DNAH12: variants seen among roughly 807,000 people sequenced by gnomAD.
DNAH12 encodes the protein axonemal beta dynein heavy chain 12.
In DNAH12, 285 loss-of-function variants were observed where a neutral mutation model predicts 371.5. That is an observed-to-expected ratio of 0.77 (90% CI 0.70 to 0.85). DNAH12 has a LOEUF of 0.85. Ranked by LOEUF, DNAH12 falls within the 40% of genes least tolerant of loss-of-function variation. The pLI is 0.00. For synonymous variants in DNAH12, 1,200 were observed against 1,213.0 expected (o/e 0.99, Z 0.22); for missense variants, 3,611 against 3,689.4 (o/e 0.98, Z 0.55).
intron 65 of DNAH12, among the ~76,000 whole-genome samples, chr3:57,314,928 A>G: frequency 6.6e-6 from 1 of 152,212 alleles, no homozygotes; most frequent in South Asian, 2.1e-4. Flanking sequence ...TTACTCGCAG[A>G]GATTTACAAC....
rs2063635278 is a variant in DNAH12 at position 57,392,038 on chromosome 3, T to C, written c.7139A>G (p.Asn2380Ser). 6.6e-6 allele frequency: 1 copy of C among 152,196 alleles called. No individual in the cohort carries two copies. The highest frequency in any genetic ancestry group is 2.4e-5 in the African/African-American group (1 of 41,446). The allele number at this position is 152,196 out of a possible 1,614,324, so 9.4% of individuals were successfully genotyped here. ...TAAGGGACTGAGTTCATCATGTTTA[T>C]TGCCAGCCTGAGCTACTGGGCGAAC... ...EGVRPVAQAG[N>S]KHDELSPLAL... Residue 2380 changes from asparagine (N) to serine (S), a missense_variant, in exon 45 of 74, where the codon AAT (asparagine) becomes AGT (serine). This residue lies in a region of DNAH12 where 2,266 missense variants were observed against 2,236.9 expected (regional missense o/e 1.01). Transcript: ENST00000495027.
intron 25 of DNAH12, among the ~76,000 whole-genome samples, chr3:57,447,663 T>C (rs887394790): frequency 7.3e-6 from 1 of 136,452 alleles, no homozygotes; most frequent in African/African-American, 2.5e-5. Context: ...GCAGTATCAG[T>C]GATAGTTCAT....
At position 57,446,064 on chromosome 3, in the gene DNAH12, A is replaced by G. The variant is rs952090263; in HGVS notation, c.4146T>C (p.Tyr1382=). ...TGTCCGGCAATTCAGAGCGTCCTGC[A>G]TAGCCAGGATTCATGGTAATAGCTA... ...CFVAITMNPG[Y]AGRSELPDNL... The change falls in exon 27 of 74, where the codon TAT becomes TAC. Residue 1382 remains tyrosine (Y), a synonymous_variant. Transcript: ENST00000495027. 1 of 1,551,674 alleles carries G rather than the reference A, an allele frequency of 6.4e-7. No individual in the cohort carries two copies.
chr3:57,496,339 T>C (rs1215550103), intron 11 of DNAH12, among the ~76,000 whole-genome samples: 1 of 152,136 alleles, frequency 6.6e-6, no homozygotes, highest in Non-Finnish European at 1.5e-5. Context: ...AATTCAAGTT[T>C]ATCCCAGGAA....
rs144197714 is a variant in DNAH12, at chr3:57,415,382, C to CA, written c.5853+43dup. 5 of 1,535,180 alleles carry CA rather than the reference C, an allele frequency of 3.3e-6. No homozygotes were observed. The Admixed American group carries it at 1.1e-4, about 34-fold the overall frequency. ...AATTTTAAACACTGAGCAAATAAGA[C>CA]AAAAAAATTAACGATAGACCCCCAT... On this transcript the variant is annotated intron_variant, in intron 38 of 73. Transcript: ENST00000495027.
chr3:57,359,910 TAC>T (rs1288868433), intron 58 of DNAH12, among the ~76,000 whole-genome samples: 1 of 152,200 alleles, frequency 6.6e-6, no homozygotes, highest in Non-Finnish European at 1.5e-5. Context: ...CAGGGTCAGA[TAC>T]AGAGTATGTT....
intron 48 of DNAH12, 106 bp downstream of exon 48, chr3:57,385,243 G>C (rs997626708): frequency 1.3e-5 from 2 of 152,130 alleles, no homozygotes; most frequent in Non-Finnish European, 2.9e-5. Flanking sequence ...AATGGAAAAG[G>C]GTAAAGTCTC....
intron 69 of DNAH12, among the ~76,000 whole-genome samples, chr3:57,308,943 C>A (rs189560426): frequency 6.6e-6 from 1 of 151,968 alleles, no homozygotes; most frequent in East Asian, 1.9e-4. Context: ...CCCCTTACCA[C>A]AAAATCTGCC....
At chr3:57,458,040 T>C (rs200436894) in intron 21 of DNAH12, 37 bp from the exon 22 acceptor site, 2 of 1,540,528 alleles carry the variant, frequency 1.3e-6, no homozygotes, top group East Asian at 2.4e-5. Context: ...GTTTTAGTTA[T>C]AATTCATCAC....
chr3:57,547,175 A>T (rs560744559), upstream of DNAH12, among the ~76,000 whole-genome samples: 264 of 144,610 alleles, frequency 1.8e-3, 1 homozygote, highest in African/African-American at 6.3e-3. Context: ...TGTTTAAAAA[A>T]ATATATATAT....
intron 69 of DNAH12, among the ~76,000 whole-genome samples, chr3:57,308,267 T>A (rs777392718): frequency 5.3e-5 from 8 of 152,190 alleles, no homozygotes; most frequent in South Asian, 2.1e-4. Flanking sequence ...TTCCCACCTC[T>A]ATACAGTCCT....
At chr3:57,369,176 C>T (rs932226822) in intron 55 of DNAH12, among the ~76,000 whole-genome samples, 4,555 of 146,666 alleles carry the variant, frequency 0.031, 107 homozygotes, top group Non-Finnish European at 0.046. Context: ...GCTAAGATTG[C>T]GCCACTGCAC....
At chr3:57,334,671 A>T in intron 61 of DNAH12, 62 bp from the exon 62 acceptor site, 1 of 1,511,960 alleles carries the variant, frequency 6.6e-7, no homozygotes, top group Non-Finnish European at 8.8e-7. Flanking sequence ...GAGATTGTTG[A>T]ACAAGGAGTA....
rs1455995763 is a variant in DNAH12 at position 57,446,114 on chromosome 3, G to A, written c.4096C>T (p.Leu1366Phe). ...ACAAAACAATTCGGATTGAGCTTAA[G>A]TTCTGTCCCTTCAAAAACAAACACA... ...LVVFVFEGTELKLNPNCFVAI... is the reference protein window; with the variant it reads ...LVVFVFEGTEFKLNPNCFVAI... Residue 1366 changes from leucine (L) to phenylalanine (F), a missense_variant, in exon 27 of 74, where the codon CTT becomes TTT. By Grantham distance (22) the Leu-to-Phe change is conservative. Around this residue, in one of 3 missense-constraint regions of DNAH12, gnomAD observed 2,266 missense variants for 2,236.9 expected, o/e 1.01. Coordinates refer to ENST00000495027, the MANE Select transcript of DNAH12 (RefSeq NM_001366028.2). The A allele has an allele frequency of 4.5e-6, 7 of 1,551,710 alleles. No homozygotes were observed. Among genetic ancestry groups the A allele is most frequent in the Non-Finnish European group, 4.4e-6 (5 of 1,146,990 alleles).
intron 29 of DNAH12, among the ~76,000 whole-genome samples, chr3:57,443,200 C>G (rs2065364342): frequency 1.3e-5 from 2 of 152,174 alleles, no homozygotes; most frequent in Non-Finnish European, 2.9e-5. Flanking sequence ...ACCTCCGCCT[C>G]CCGGGTTCAA....
intron 66 of DNAH12, among the ~76,000 whole-genome samples, chr3:57,311,292 G>A (rs1393165709): frequency 1.3e-5 from 2 of 152,116 alleles, no homozygotes; most frequent in Non-Finnish European, 2.9e-5. Flanking sequence ...GGCCAGACTG[G>A]TCTTGAACTC....
chr3:57,394,519 CAG>C (rs1323773381), intron 43 of DNAH12, among the ~76,000 whole-genome samples, 187 bp from the exon 44 acceptor site: 12 of 152,150 alleles, frequency 7.9e-5, no homozygotes, highest in Non-Finnish European at 1.5e-4. Flanking sequence ...CCAAACTGGT[CAG>C]AGTTTCCCCA....
chr3:57,405,760 C>CATT lies in DNAH12; in HGVS notation c.6466_6468dup (p.Asn2156dup), dbSNP rs1194504434. ...TGGAACAGCCATCTTCGATCATCAT[C>CATT]ATTAATGAGGCGATCATAAAACACT... On this transcript the variant is annotated inframe_insertion, in exon 41 of 74. Transcript: ENST00000495027. 6.4e-7 allele frequency: 1 copy of CATT among 1,551,548 alleles called. No homozygotes were observed. Among genetic ancestry groups the CATT allele is most frequent in the African/African-American group, 1.4e-5 (1 of 73,034 alleles).
intron 65 of DNAH12, among the ~76,000 whole-genome samples, chr3:57,317,085 T>A (rs1288251121): frequency 6.6e-6 from 1 of 152,250 alleles, no homozygotes; most frequent in Non-Finnish European, 1.5e-5. Context: ...AATCTGCTGG[T>A]GGTCAATAAA....
Sources: gnomAD v4.1 joint callset for allele counts (sites outside exome capture counted in the v4.1 genomes callset) on GRCh38, gnomAD v4.1.1 for gene constraint, gnomAD v4.1.1 regional missense constraint, MANE v1.5 for transcripts, NCBI Gene and HGNC (gene_info 2026-07-23, HGNC 2026-07-21) for gene names.